The following CFAP46 variants were observed in gnomAD, a reference collection of about 807,000 sequenced individuals.
The protein encoded by CFAP46 is cilia and flagella associated protein 46, also known as cilia- and flagella-associated protein 46.
Under a neutral mutation model 325.7 loss-of-function variants are expected in CFAP46, and 245 were observed. The observed-to-expected ratio is 0.75, with a 90% CI of 0.68 to 0.84. The LOEUF is 0.84. Ranked by LOEUF, CFAP46 falls within the 40% of genes least tolerant of loss-of-function variation. The pLI is 0.00. For missense variants in CFAP46, 3,346 were observed against 3,543.0 expected (o/e 0.94, Z 1.41); for synonymous variants, 1,523 against 1,495.9 (o/e 1.02, Z -0.42).
At chr10:132,925,019 C>G in intron 10 of CFAP46, 133 bp from the exon 11 acceptor site, 1 of 676,756 alleles carries the variant, frequency 1.5e-6, no homozygotes, top group Non-Finnish European at 2.2e-6. Context: ...ATGCTCAAAT[C>G]TGTCCGTGAA....
chr10:132,877,382 T>C lies in CFAP46; in HGVS notation c.4213-421A>G, dbSNP rs946658321. ...TCTGGGGAGCTGGGCAGCCAAGTGG[T>C]TTCTCAGACCTGCCCAGCACTTTGA... is the stretch of plus-strand genomic sequence containing the variant. On this transcript the variant is annotated intron_variant, in intron 30 of 57. Transcript: ENST00000368586. The surrounding 1 kb of genome is among the most constrained non-coding windows in gnomAD (Gnocchi z 5.7). Among the ~76,000 whole-genome samples the C allele has an allele frequency of 2.0e-5, 3 of 151,918 alleles. No individual in the cohort carries two copies. The highest frequency in any genetic ancestry group is 2.9e-5 in the Non-Finnish European group (2 of 67,964).
At chr10:132,831,431 T>C (rs1190122250) in intron 50 of CFAP46, among the ~76,000 whole-genome samples, 2 of 152,186 alleles carry the variant, frequency 1.3e-5, no homozygotes, top group African/African-American at 4.8e-5. Flanking sequence ...TGTTAATCGA[T>C]GTACAGACAC....
rs910509613 is a variant in CFAP46, at chr10:132,879,674, G to A, written c.3800-43C>T. Reference sequence around the variant, plus strand: ...CGAGGCTGAGAGCAGGCCCGGCTACGGGTCTGTGGGCCCCAGGCCACTCCC... The same window carrying A: ...CGAGGCTGAGAGCAGGCCCGGCTACAGGTCTGTGGGCCCCAGGCCACTCCC... On this transcript the variant is annotated intron_variant, in intron 28 of 57. Transcript: ENST00000368586. 44 of 1,454,716 alleles carry A rather than the reference G, an allele frequency of 3.0e-5. No individual in the cohort carries two copies. The African/African-American group carries it at 4.1e-4, about 14-fold the overall frequency. 90.1% of individuals were successfully genotyped at this position (1,454,716 alleles called of 1,614,324 possible). A position where few individuals can be genotyped will look rare whatever the true frequency, so the allele number is the denominator to read the frequency against.
intron 50 of CFAP46, among the ~76,000 whole-genome samples, chr10:132,821,772 C>CTGTGTGAGTGCTGATGTGTGCTGTGTGT (rs1446933108): frequency 8.6e-6 from 1 of 115,664 alleles, no homozygotes; most frequent in Non-Finnish European, 1.7e-5. Context: ...GTGCTGTGTG[C>CTGTGTGAGTGCTGATGTGTGCTGTGTGT]TGTGTGAGTG....
At chr10:132,842,555 A>G (rs1347991143) in intron 44 of CFAP46, among the ~76,000 whole-genome samples, 2 of 152,144 alleles carry the variant, frequency 1.3e-5, no homozygotes, top group Non-Finnish European at 2.9e-5. Flanking sequence ...TCTGCTCATT[A>G]CTCAGTTCCA....
chr10:132,921,170 G>A (rs535939316), intron 13 of CFAP46, among the ~76,000 whole-genome samples: 1 of 152,326 alleles, frequency 6.6e-6, no homozygotes, highest in African/African-American at 2.4e-5. Context: ...ACAGGCTGCA[G>A]TCTGGGTGAC....
intron 33 of CFAP46, 111 bp from the exon 34 acceptor site, chr10:132,867,618 C>T (rs751665230): frequency 1.8e-5 from 24 of 1,330,092 alleles, no homozygotes; most frequent in Admixed American, 2.7e-5. Context: ...ATTCTTCACG[C>T]GCGTGTTTAC....
At chr10:132,830,958 A>G (rs576797981) in intron 50 of CFAP46, among the ~76,000 whole-genome samples, 1 of 152,362 alleles carries the variant, frequency 6.6e-6, no homozygotes, top group Non-Finnish European at 1.5e-5. Context: ...GCATCCACAC[A>G]TAATGATAAA....
intron 17 of CFAP46, among the ~76,000 whole-genome samples, chr10:132,914,922 T>C (rs1253945482): frequency 6.6e-6 from 1 of 152,214 alleles, no homozygotes; most frequent in Non-Finnish European, 1.5e-5. Context: ...AGCGTCTCCC[T>C]CTTCCTCCCC....
intron 29 of CFAP46, among the ~76,000 whole-genome samples, chr10:132,878,292 G>A: frequency 6.6e-6 from 1 of 152,184 alleles, no homozygotes; most frequent in Admixed American, 6.5e-5. Context: ...GGCACCGGGG[G>A]CTGCAGGGAC....
intron 29 of CFAP46, 50 bp downstream of exon 29, chr10:132,879,375 GC>G (rs1186935452): frequency 7.0e-7 from 1 of 1,432,850 alleles, no homozygotes; most frequent in Non-Finnish European, 9.2e-7. Context: ...CCAGCCCGCG[GC>G]CCGTCCCGGG....
At position 132,834,736 on chromosome 10, in the gene CFAP46, C is replaced by A. The variant is rs546116087; in HGVS notation, c.6784G>T (p.Val2262Leu). 3.0e-5 allele frequency: 49 copies of A among 1,612,978 alleles called. No homozygotes were observed. The Admixed American group carries it at 8.2e-4, about 27-fold the overall frequency. The change falls in exon 48 of 58, where the codon GTG (valine) becomes TTG (leucine). Residue 2262 changes from valine (V) to leucine (L), a missense_variant. Transcript: ENST00000368586. The part of the protein sequence containing the change: ...GLQVEEKERP[V>L]QRLSSVLGPL... ...CCCAGGACGCTACTGAGCCTCTGCACAGGGCGCTCCTTCTCTTCCACCTGC... is the reference window on the plus strand; with the variant it reads ...CCCAGGACGCTACTGAGCCTCTGCAAAGGGCGCTCCTTCTCTTCCACCTGC...
intron 39 of CFAP46, among the ~76,000 whole-genome samples, chr10:132,852,099 C>T (rs1287716496): frequency 2.8e-5 from 4 of 144,796 alleles, no homozygotes; most frequent in South Asian, 2.3e-4. Context: ...GATCCACAGA[C>T]GTGGTATGTT....
Position 132,850,436 on chromosome 10 carries a change from C to T in CFAP46, c.5764-4G>A, listed in dbSNP as rs767241420. ...TCCGCTTCAGCGTGAACCATTGCTT[C>T]GAAAAGACAGACATGTTACAGCTGC... is the stretch of plus-strand genomic sequence containing the variant. On this transcript the variant is annotated splice_region_variant and splice_polypyrimidine_tract_variant and intron_variant, in intron 40 of 57. Coordinates refer to ENST00000368586, the MANE Select transcript of CFAP46 (RefSeq NM_001200049.3). The T allele has an allele frequency of 9.7e-6, 15 of 1,553,444 alleles. No homozygotes were observed. The highest frequency in any genetic ancestry group is 7.5e-5 in the Admixed American group (4 of 53,310).
In CFAP46 at chr10:132,925,001, G is replaced by A. The variant is rs551531990; in HGVS notation, c.1066-115C>T. ...GCAGGCCCTAAATTCATCACCCTGC[G>A]TGGCGTCATGCTCAAATCTGTCCGT... On this transcript the variant is annotated intron_variant, in intron 10 of 57. Coordinates refer to ENST00000368586, the MANE Select transcript of CFAP46 (RefSeq NM_001200049.3). 34 of 808,666 alleles carry A rather than the reference G, an allele frequency of 4.2e-5. No homozygotes were observed. The South Asian group carries it at 4.4e-4, about 10-fold the overall frequency. 50.1% of individuals were successfully genotyped at this position (808,666 alleles called of 1,614,324 possible). A position where few individuals can be genotyped will look rare whatever the true frequency, so the allele number is the denominator to read the frequency against.
chr10:132,816,099 TTCTCCTAGTA>T (rs1242467280), intron 50 of CFAP46, among the ~76,000 whole-genome samples: 1 of 152,172 alleles, frequency 6.6e-6, no homozygotes, highest in Non-Finnish European at 1.5e-5. Flanking sequence ...GGAAGGTGTT[TTCTCCTAGTA>T]TTTTGTCCTT....
chr10:132,913,697 C>A (rs1448932123), intron 17 of CFAP46, among the ~76,000 whole-genome samples: 1 of 152,164 alleles, frequency 6.6e-6, no homozygotes, highest in African/African-American at 2.4e-5. Context: ...GACGGTCTTT[C>A]CCCACCCGCC....
chr10:132,866,910 G>A lies in CFAP46; in HGVS notation c.4743+465C>T, dbSNP rs115753870. On this transcript the variant is annotated intron_variant, in intron 34 of 57. Transcript: ENST00000368586. ...GGTGGTGGGAGAACCAGTTCTGTCA[G>A]ATGACCGGGACCTCCAGGCGGAGCT... Among the ~76,000 whole-genome samples, 892 of 152,358 alleles carry A rather than the reference G, an allele frequency of 5.9e-3. 7 individuals carry two copies. Among genetic ancestry groups the A allele is most frequent in the African/African-American group, 0.019 (804 of 41,580 alleles).
intron 9 of CFAP46, among the ~76,000 whole-genome samples, chr10:132,928,320 C>T (rs1208926159): frequency 6.6e-6 from 1 of 152,166 alleles, no homozygotes; most frequent in Non-Finnish European, 1.5e-5. Context: ...GCCGTGAAAA[C>T]CCAGAAGATG....
Sources: gnomAD v4.1 joint callset for allele counts (sites outside exome capture counted in the v4.1 genomes callset) on GRCh38, gnomAD v4.1.1 for gene constraint, Gnocchi (gnomAD v3.1) non-coding constraint, MANE v1.5 for transcripts, NCBI Gene and HGNC (gene_info 2026-07-23, HGNC 2026-07-21) for gene names.